CRISPLD2: variants seen among roughly 807,000 people sequenced by gnomAD.
CRISPLD2 encodes cysteine-rich secretory protein LCCL domain-containing 2.
CRISPLD2 carries 47 observed loss-of-function variants against 71.1 expected under a neutral mutation model. The observed-to-expected ratio is 0.66, with a 90% confidence interval of 0.52 to 0.84. The LOEUF (loss-of-function observed/expected upper bound fraction) is 0.84, where lower values mean the gene tolerates loss of function less well. Ranked by LOEUF, CRISPLD2 falls within the 40% of genes least tolerant of loss-of-function variation. The pLI is 0.00. For missense variants in CRISPLD2, 830 were observed against 651.1 expected, an observed-to-expected ratio of 1.27 and a Z score of -2.99; for synonymous variants, 317 against 250.1, an observed-to-expected ratio of 1.27 and a Z score of -2.52.
Position 84,838,658 on chromosome 16 carries a change from G to A in CRISPLD2, c.163G>A (p.Asp55Asn). The stretch of plus-strand genomic sequence containing the variant: ...GGTCCGCAGAGCCATCCCCAGGGAG[G>A]ACAAGGAGGAGATCCTCATGCTGCA... ...SRVRRAIPRE[D>N]KEEILMLHNK... Residue 55 changes from aspartate (D) to asparagine (N), a missense_variant, in exon 2 of 15, where the codon GAC becomes AAC. Physicochemically the swap from Asp to Asn is conservative, Grantham distance 23. Coordinates refer to ENST00000262424, the MANE Select transcript of CRISPLD2 (RefSeq NM_031476.4). 6.2e-7 allele frequency: 1 copy of A among 1,614,216 alleles called. No homozygotes were observed. The highest frequency in any genetic ancestry group is 8.5e-7 in the Non-Finnish European group (1 of 1,180,038).
chr16:84,842,851 C>T (rs893570727), intron 2 of CRISPLD2, among the ~76,000 whole-genome samples: 3 of 152,132 alleles, frequency 2.0e-5, no homozygotes, highest in Admixed American at 6.5e-5. Context: ...GGAGGCCCCA[C>T]GTCTCTCTGG....
intron 13 of CRISPLD2, among the ~76,000 whole-genome samples, chr16:84,883,896 TG>T (rs1489317899): frequency 2.7e-5 from 4 of 149,806 alleles, no homozygotes; most frequent in Admixed American, 6.7e-5. Flanking sequence ...CAGGCTGAAG[TG>T]CAGTGGCGTG....
chr16:84,894,909 G>C (rs1213304786), intron 14 of CRISPLD2, among the ~76,000 whole-genome samples: 3 of 151,702 alleles, frequency 2.0e-5, no homozygotes, highest in African/African-American at 7.3e-5. Context: ...TGAAGATCTC[G>C]CTATGGGTCT....
In CRISPLD2 at chr16:84,875,257, A is replaced by ATATGTG. The variant is rs1555564055; in HGVS notation, c.1156+1295_1156+1296insATGTGT. 2.4e-3 allele frequency among the ~76,000 whole-genome samples: 359 copies of ATATGTG among 148,330 alleles called. 1 individual carries two copies. Among genetic ancestry groups the ATATGTG allele is most frequent in the African/African-American group, 8.5e-3 (338 of 39,874 alleles). The stretch of plus-strand genomic sequence containing the variant: ...CCCTGTCTCAAAAAAATATATACAT[A>ATATGTG]TGTGTGTGTGTGTGTGTGTGTGTCA... On this transcript the variant is annotated intron_variant, in intron 11 of 14. Transcript: ENST00000262424.
chr16:84,890,477 T>C lies in CRISPLD2; in HGVS notation c.1439+1114T>C, dbSNP rs922668877. Among the ~76,000 whole-genome samples the C allele has an allele frequency of 3.3e-5, 5 of 152,214 alleles. No homozygotes were observed. The East Asian group carries it at 9.6e-4, about 29-fold the overall frequency. ...ATCTATGACCATAAGTCATTGGTAG[T>C]GACTGTGAATGACTGTAGCGCGTTT... On this transcript the variant is annotated intron_variant, in intron 14 of 14. Transcript: ENST00000262424.
intron 1 of CRISPLD2, among the ~76,000 whole-genome samples, chr16:84,835,541 G>C (rs1448846726): frequency 2.0e-5 from 3 of 152,064 alleles, no homozygotes; most frequent in African/African-American, 7.2e-5. Context: ...ACCACTTTCA[G>C]ACCCAACAGT....
intron 4 of CRISPLD2, 119 bp from the exon 5 acceptor site, chr16:84,850,449 T>C: frequency 1.3e-6 from 1 of 762,266 alleles, no homozygotes; most frequent in Non-Finnish European, 2.3e-6. Context: ...TAATATCTGC[T>C]TCCCCAACCC....
At position 84,872,359 on chromosome 16, in the gene CRISPLD2, A is replaced by T. The variant is rs571367690; in HGVS notation, c.915-83A>T. ...CTTTTCTATATTTAGTAATAGAGCC[A>T]TCGATGAAAAAAATGATAAACTCAT... On this transcript the variant is annotated intron_variant, in intron 8 of 14. Transcript: ENST00000262424. The T allele has an allele frequency of 8.9e-6, 10 of 1,118,902 alleles. No homozygotes were observed. The East Asian group carries it at 1.7e-4, about 18-fold the overall frequency. 69.3% of individuals were successfully genotyped at this position (1,118,902 alleles called of 1,614,324 possible). A position where few individuals can be genotyped will look rare whatever the true frequency, so the allele number is the denominator to read the frequency against.
intron 8 of CRISPLD2, among the ~76,000 whole-genome samples, chr16:84,870,324 T>G (rs1220609102): frequency 1.3e-5 from 2 of 152,096 alleles, no homozygotes; most frequent in Non-Finnish European, 2.9e-5. Flanking sequence ...GTATTTTGTT[T>G]TTTTTTTTTC....
intron 1 of CRISPLD2, among the ~76,000 whole-genome samples, chr16:84,827,693 A>G (rs943744126): frequency 6.6e-6 from 1 of 151,578 alleles, no homozygotes; most frequent in Non-Finnish European, 1.5e-5. Context: ...CAGCCTCCCA[A>G]GTAGCTGGGA....
At chr16:84,879,148 C>T (rs1222068289) in intron 12 of CRISPLD2, among the ~76,000 whole-genome samples, 10 of 152,192 alleles carry the variant, frequency 6.6e-5, no homozygotes, top group African/African-American at 2.2e-4. Context: ...ACTGCCTCCG[C>T]ACCACCGTCT....
In CRISPLD2 at chr16:84,872,422, T is replaced by C. The variant is rs2071478985; in HGVS notation, c.915-20T>C. The C allele has an allele frequency of 3.1e-6, 5 of 1,608,862 alleles. No homozygotes were observed. Among genetic ancestry groups the C allele is most frequent in the Non-Finnish European group, 4.3e-6 (5 of 1,175,658 alleles). ...TCAACGTGCTTATCTCTGAACATCA[T>C]TTTATTTCTTCCTCGTCAGGTACCA... On this transcript the variant is annotated intron_variant, in intron 8 of 14. Coordinates refer to ENST00000262424, the MANE Select transcript of CRISPLD2 (RefSeq NM_031476.4).
chr16:84,834,951 C>A (rs192892512), intron 1 of CRISPLD2, among the ~76,000 whole-genome samples: 136 of 152,230 alleles, frequency 8.9e-4, no homozygotes, highest in Non-Finnish European at 1.5e-3. Flanking sequence ...ATTTGGAGGT[C>A]CTGGACATTA....
chr16:84,857,308 G>A (rs1917268577), intron 6 of CRISPLD2, among the ~76,000 whole-genome samples: 1 of 152,236 alleles, frequency 6.6e-6, no homozygotes, highest in Non-Finnish European at 1.5e-5. Context: ...GTCGTCCTAT[G>A]TACTTGACTA....
At position 84,849,464 on chromosome 16, in the gene CRISPLD2, A is replaced by C. The variant is rs149652155; in HGVS notation, c.439A>C (p.Asn147His). 1.2e-6 allele frequency: 2 copies of C among 1,614,020 alleles called. No homozygotes were observed. The highest frequency in any genetic ancestry group is 2.7e-5 in the African/African-American group (2 of 74,920). ...CACCTACCCCTACCCGAGCGAGTGC[A>C]ACCCCTGGTGTCCAGAGAGGTGCTC... ...DYTYPYPSEC[N>H]PWCPERCSGP... The change falls in exon 4 of 15, where the codon AAC (asparagine) becomes CAC (histidine). Residue 147 changes from asparagine to histidine, a missense_variant. Physicochemically the swap from Asn to His is moderately conservative, Grantham distance 68. Coordinates refer to ENST00000262424, the MANE Select transcript of CRISPLD2 (RefSeq NM_031476.4).
chr16:84,861,619 C>T (rs1917383958), intron 6 of CRISPLD2, among the ~76,000 whole-genome samples: 1 of 152,152 alleles, frequency 6.6e-6, no homozygotes, highest in Non-Finnish European at 1.5e-5. Context: ...AAATGTTAAT[C>T]TCCTTTGGCA....
At chr16:84,839,295 C>G (rs932798035) in intron 2 of CRISPLD2, 1 of 267,766 alleles carries the variant, frequency 3.7e-6, no homozygotes, top group Non-Finnish European at 7.4e-6. Context: ...GAACACAGCT[C>G]TCAGCCTTTC....
At chr16:84,895,060 C>T (rs1270182636) in intron 14 of CRISPLD2, among the ~76,000 whole-genome samples, 1 of 152,214 alleles carries the variant, frequency 6.6e-6, no homozygotes, top group Non-Finnish European at 1.5e-5. Flanking sequence ...AGCAGACAGG[C>T]AGGTTCCCCT....
Position 84,866,981 on chromosome 16 carries a change from T to G in CRISPLD2, c.794T>G (p.Leu265Arg). Residue 265 changes from leucine to arginine, a missense_variant, in exon 7 of 15, where the codon CTC becomes CGC. By Grantham distance (102) the Leu-to-Arg change is moderately radical. Coordinates refer to ENST00000262424, the MANE Select transcript of CRISPLD2 (RefSeq NM_031476.4). ...ATTCCTGAAGAAAACCATGTTTGGC[T>G]CCAACCGAGGGTGATGAGACCCACC... ...APIPEENHVW[L>R]QPRVMRPTKP... 1 of 1,613,946 alleles carries G rather than the reference T, an allele frequency of 6.2e-7. No individual in the cohort carries two copies.
Sources: allele counts gnomAD v4.1 joint callset (sites outside exome capture counted in the v4.1 genomes callset), GRCh38; gene constraint gnomAD v4.1.1; transcripts MANE v1.5; gene names NCBI Gene and HGNC (gene_info 2026-07-23, HGNC 2026-07-21).